The following ARID1B variants were observed in gnomAD, a reference collection of about 807,000 sequenced individuals.
ARID1B encodes the protein AT-rich interactive domain-containing protein 1B.
ARID1B carries 30 observed loss-of-function variants against 212.3 expected under a neutral mutation model. That is an observed-to-expected ratio of 0.14 (90% CI 0.11 to 0.19). ARID1B has a LOEUF of 0.19. Ranked by LOEUF, ARID1B falls within the 10% of genes least tolerant of loss-of-function variation. ARID1B has a pLI of 1.00. For missense variants in ARID1B, 2,891 were observed against 3,204.0 expected (o/e 0.90, Z 2.36); for synonymous variants, 1,402 against 1,301.7 (o/e 1.08, Z -1.66).
In ARID1B at chr6:157,003,835, C is replaced by T. The variant is rs114077462; in HGVS notation, c.2247+68259C>T. The stretch of plus-strand genomic sequence containing the variant: ...TCCCAAGTAGCTATGACTATAGGTG[C>T]GCATGACTGTTCCTGGATAATTAAA... On this transcript the variant is annotated intron_variant, in intron 4 of 19. Coordinates refer to ENST00000636930, the MANE Select transcript of ARID1B (RefSeq NM_001374828.1). Among the ~76,000 whole-genome samples, 883 of 152,028 alleles carry T rather than the reference C, an allele frequency of 5.8e-3. 6 individuals carry two copies. Among genetic ancestry groups the T allele is most frequent in the African/African-American group, 0.02 (831 of 41,446 alleles).
At chr6:156,944,605 A>G (rs997250659) in intron 4 of ARID1B, among the ~76,000 whole-genome samples, 2 of 152,212 alleles carry the variant, frequency 1.3e-5, no homozygotes, top group Non-Finnish European at 2.9e-5. Flanking sequence ...TGCAAAGGCT[A>G]ATGCCAACCG....
At chr6:157,008,243 C>T (rs1023965300) in intron 4 of ARID1B, among the ~76,000 whole-genome samples, 3 of 152,150 alleles carry the variant, frequency 2.0e-5, no homozygotes, top group Non-Finnish European at 4.4e-5. Context: ...GCTGTGTAGC[C>T]GTCACCACCA....
At chr6:156,836,092 G>T (rs1292005865) in intron 2 of ARID1B, among the ~76,000 whole-genome samples, 1 of 152,112 alleles carries the variant, frequency 6.6e-6, no homozygotes, top group Non-Finnish European at 1.5e-5. Context: ...GGTAACAGTC[G>T]ACGTCAGTAA....
rs567421133 is a variant in ARID1B, at chr6:157,208,037, TAAAG to T, written c.*150_*153del. 157 of 820,722 alleles carry T rather than the reference TAAAG, an allele frequency of 1.9e-4. 3 individuals carry two copies. The South Asian group carries it at 5.6e-3, about 29-fold the overall frequency. 50.8% of individuals were successfully genotyped at this position (820,722 alleles called of 1,614,324 possible). On this transcript the variant is annotated 3_prime_UTR_variant, in exon 20 of 20. Transcript: ENST00000636930. ...CATTCACTATTTACCAATTGGGAAT[TAAAG>T]AAATAATTAATTTGAACAGTTATGA... is the stretch of plus-strand genomic sequence containing the variant.
chr6:156,831,835 A>G (rs1339264555), intron 2 of ARID1B, among the ~76,000 whole-genome samples: 1 of 152,248 alleles, frequency 6.6e-6, no homozygotes, highest in Non-Finnish European at 1.5e-5. Context: ...CCCAATTCTA[A>G]TTAAGCACAG....
intron 18 of ARID1B, among the ~76,000 whole-genome samples, chr6:157,202,622 G>A (rs1247369385): frequency 6.6e-6 from 1 of 151,766 alleles, no homozygotes; most frequent in Admixed American, 6.6e-5. Flanking sequence ...AGGAGATCAA[G>A]GCTTCAGCAG....
intron 2 of ARID1B, among the ~76,000 whole-genome samples, chr6:156,841,000 C>T (rs941673685): frequency 2.0e-5 from 3 of 152,180 alleles, no homozygotes; most frequent in African/African-American, 7.2e-5. Context: ...ACAGTGCTTA[C>T]TGAAGAAAGT....
chr6:157,084,183 A>T (rs1784819879), intron 4 of ARID1B, among the ~76,000 whole-genome samples: 1 of 151,124 alleles, frequency 6.6e-6, no homozygotes, highest in South Asian at 2.1e-4. Flanking sequence ...TTTGGTCAAA[A>T]TTGTGACTGC....
intron 16 of ARID1B, among the ~76,000 whole-genome samples, chr6:157,197,583 C>A (rs1793812565): frequency 1.3e-5 from 2 of 152,224 alleles, no homozygotes; most frequent in Admixed American, 6.5e-5. Context: ...CTTAACCCGG[C>A]CATAATACGG....
At chr6:156,786,008 A>G (rs1389600679) in intron 1 of ARID1B, among the ~76,000 whole-genome samples, 1 of 152,200 alleles carries the variant, frequency 6.6e-6, no homozygotes, top group African/African-American at 2.4e-5. Flanking sequence ...GAACCTTTCT[A>G]AAGTTTAAAG....
chr6:157,061,419 T>C (rs973272799), intron 4 of ARID1B, among the ~76,000 whole-genome samples: 1 of 151,400 alleles, frequency 6.6e-6, no homozygotes, highest in African/African-American at 2.4e-5. Flanking sequence ...GTATGGCAGG[T>C]GATGTCCCAT....
At position 156,794,086 on chromosome 6, in the gene ARID1B, A is replaced by G. The variant is rs560187446; in HGVS notation, c.1791+14615A>G. Among the ~76,000 whole-genome samples the G allele has an allele frequency of 9.2e-5, 14 of 152,306 alleles. No individual in the cohort carries two copies. The South Asian group carries it at 2.9e-3, about 32-fold the overall frequency. ...GTTGTGCTTCAGAATCACCTAGGGA[A>G]GTAACCCCTGCCCCCAGGAACTCAG... is the stretch of plus-strand genomic sequence containing the variant. On this transcript the variant is annotated intron_variant, in intron 1 of 19. Transcript: ENST00000636930.
intron 2 of ARID1B, among the ~76,000 whole-genome samples, chr6:156,866,683 T>A (rs1326840312): frequency 6.6e-6 from 1 of 152,236 alleles, no homozygotes; most frequent in Non-Finnish European, 1.5e-5. Context: ...TCGTTTACAT[T>A]TGTGGGTCTG....
At chr6:157,123,294 A>G (rs1787901655) in intron 6 of ARID1B, among the ~76,000 whole-genome samples, 1 of 127,748 alleles carries the variant, frequency 7.8e-6, no homozygotes, top group Non-Finnish European at 1.6e-5. Flanking sequence ...ATCAGGAAGG[A>G]TGTATACTGC....
chr6:157,123,670 T>C lies in ARID1B; in HGVS notation c.2582-9358T>C, dbSNP rs546006369. On this transcript the variant is annotated intron_variant, in intron 6 of 19. Transcript: ENST00000636930. ...CTGATGAATGGTTTGTAGGGAAACC[T>C]GGCAAGAGAAATTAGTTTGGAAACT... is the stretch of plus-strand genomic sequence containing the variant. Among the ~76,000 whole-genome samples the C allele has an allele frequency of 1.2e-3, 179 of 152,362 alleles. 1 individual carries two copies. Among genetic ancestry groups the C allele is most frequent in the Non-Finnish European group, 2.0e-3 (134 of 68,034 alleles).
At chr6:156,905,075 T>A (rs896671804) in intron 3 of ARID1B, among the ~76,000 whole-genome samples, 1 of 152,148 alleles carries the variant, frequency 6.6e-6, no homozygotes, top group African/African-American at 2.4e-5. Context: ...AACTATAAAT[T>A]TATATATATT....
intron 1 of ARID1B, among the ~76,000 whole-genome samples, chr6:156,791,411 G>A (rs1779997892): frequency 6.6e-6 from 1 of 152,160 alleles, no homozygotes; most frequent in Admixed American, 6.5e-5. Flanking sequence ...GCTATCTATT[G>A]CTTTTCAACA....
chr6:156,919,309 T>G (rs1790599002), intron 3 of ARID1B, among the ~76,000 whole-genome samples: 1 of 152,044 alleles, frequency 6.6e-6, no homozygotes, highest in Non-Finnish European at 1.5e-5. Flanking sequence ...TGAAGTATAA[T>G]TGGGAATTTA....
Position 156,778,708 on chromosome 6 carries a change from G to A in ARID1B, c.1028G>A (p.Ser343Asn), listed in dbSNP as rs1778885433. The stretch of plus-strand genomic sequence containing the variant: ...TTTGATCAACATGGCGGACAACAAA[G>A]CCCCGGGATGGGGATGATGCACTCC... ...PCFDQHGGQQ[S>N]PGMGMMHSAS... Residue 343 changes from serine to asparagine, a missense_variant, in exon 1 of 20, where the codon AGC becomes AAC. Coordinates refer to ENST00000636930, the MANE Select transcript of ARID1B (RefSeq NM_001374828.1). 1.3e-6 allele frequency: 2 copies of A among 1,521,446 alleles called. No homozygotes were observed. Among genetic ancestry groups the A allele is most frequent in the Non-Finnish European group, 1.8e-6 (2 of 1,133,098 alleles). The allele number at this position is 1,521,446 out of a possible 1,614,324, so 94.2% of individuals were successfully genotyped here.
Sources: allele counts gnomAD v4.1 joint callset (sites outside exome capture counted in the v4.1 genomes callset), GRCh38; gene constraint gnomAD v4.1.1; transcripts MANE v1.5; gene names NCBI Gene and HGNC (gene_info 2026-07-23, HGNC 2026-07-21).